The following HYLS1 variants were observed in gnomAD, a reference collection of about 807,000 sequenced individuals.
HYLS1 encodes the protein HYLS1 centriolar and ciliogenesis associated, also known as centriolar and ciliogenesis-associated protein HYLS1.
In HYLS1, 25 loss-of-function variants were observed where a neutral mutation model predicts 29.4. The ratio of observed to expected loss-of-function variants is 0.85; its 90% confidence interval spans 0.62 to 1.19. The LOEUF (loss-of-function observed/expected upper bound fraction) is 1.19, where lower values mean the gene tolerates loss of function less well. Among genes scored for constraint, HYLS1 ranks in the 50% most tolerant of loss-of-function variants. HYLS1 has a pLI of 0.00. For missense variants in HYLS1, 352 were observed against 365.1 expected, an observed-to-expected ratio of 0.96 and a Z score of 0.29; for synonymous variants, 128 against 126.7, an observed-to-expected ratio of 1.01 and a Z score of -0.07.
chr11:125,898,445 C>T (rs1401790560), intron 2 of HYLS1, among the ~76,000 whole-genome samples: 3 of 152,224 alleles, frequency 2.0e-5, no homozygotes, highest in African/African-American at 7.2e-5. Flanking sequence ...GAGGCCGAGG[C>T]GGGTGGGTTG....
intron 2 of HYLS1, 36 bp from the exon 3 acceptor site, chr11:125,899,308 T>A (rs112053817): frequency 8.8e-6 from 13 of 1,483,294 alleles, no homozygotes; most frequent in African/African-American, 5.6e-5. Context: ...GCTGGGAATT[T>A]ATTATCAGAA....
chr11:125,889,752 T>C (rs79034874), intron 1 of HYLS1, among the ~76,000 whole-genome samples: 23,138 of 151,572 alleles, frequency 0.15, 2,165 homozygotes, highest in Admixed American at 0.26. Context: ...ACAACAACAA[T>C]AATAATAATG....
upstream of HYLS1, among the ~76,000 whole-genome samples, chr11:125,886,741 A>G (rs1005038755): frequency 4.0e-5 from 6 of 151,606 alleles, no homozygotes; most frequent in Admixed American, 3.9e-4. Context: ...GTGAAACCCC[A>G]TCTCTACTAA....
intron 2 of HYLS1, chr11:125,894,002 G>A: frequency 6.2e-7 from 1 of 1,614,172 alleles, no homozygotes. Context: ...GGGCTTATAT[G>A]TGCGCATCTT....
rs1322783798 is a variant in HYLS1, at chr11:125,900,109, T to C, written c.741T>C (p.Cys247=). Residue 247 remains cysteine (C), a synonymous_variant, in exon 3 of 3, where the codon TGT becomes TGC. Coordinates refer to ENST00000425380, the MANE Select transcript of HYLS1 (RefSeq NM_001134793.2). The stretch of plus-strand genomic sequence containing the variant: ...GGGGTGTCCGAGAGCAGATGCTTTG[T>C]CGAGCAGAACCCCAATCCAAACCTC... ...LRWGVREQML[C]RAEPQSKPQH... 1 of 1,614,204 alleles carries C rather than the reference T, an allele frequency of 6.2e-7. No homozygotes were observed.
In HYLS1 at chr11:125,899,509, A is replaced by G. The variant is rs753532868; in HGVS notation, c.141A>G (p.Gln47=). Residue 47 remains glutamine (Q), a synonymous_variant, in exon 3 of 3, where the codon CAA becomes CAG. Transcript: ENST00000425380. ...GDVRREAQSI[Q]YDPYSKASVA... is the part of the protein sequence containing the mutation. Reference sequence around the variant, plus strand: ...TCAGGAGAGAAGCCCAATCTATCCAATATGATCCCTACAGTAAAGCTTCAG... The same window carrying G: ...TCAGGAGAGAAGCCCAATCTATCCAGTATGATCCCTACAGTAAAGCTTCAG... 3.7e-6 allele frequency: 6 copies of G among 1,614,204 alleles called. 1 individual carries two copies. The South Asian group carries it at 5.5e-5, about 15-fold the overall frequency.
At chr11:125,893,655 T>C in intron 2 of HYLS1, 1 of 756,460 alleles carries the variant, frequency 1.3e-6, no homozygotes, top group East Asian at 2.7e-5. Flanking sequence ...GGCTTTAGTC[T>C]TTTTGCTTTT....
At chr11:125,895,581 C>T (rs549981261) in intron 2 of HYLS1, 7 of 1,614,062 alleles carry the variant, frequency 4.3e-6, no homozygotes, top group African/African-American at 1.3e-5. Context: ...GAAAAAATAG[C>T]GGTAAGTCCG....
intron 2 of HYLS1, chr11:125,895,175 G>C (rs1944542332): frequency 6.9e-6 from 10 of 1,452,736 alleles, no homozygotes; most frequent in African/African-American, 2.8e-5. Context: ...AGCGTCCCGA[G>C]TAGCTGGGAC....
chr11:125,893,688 A>C, intron 2 of HYLS1: 5 of 877,266 alleles, frequency 5.7e-6, no homozygotes, highest in South Asian at 2.9e-5. Flanking sequence ...AGAGCTGATC[A>C]TCTGAATTCC....
At chr11:125,886,068 T>A (rs1944299736), upstream of HYLS1, among the ~76,000 whole-genome samples, 1 of 152,158 alleles carries the variant, frequency 6.6e-6, no homozygotes, top group African/African-American at 2.4e-5. Flanking sequence ...TGTAATGCGC[T>A]TGAATCATCC....
upstream of HYLS1, chr11:125,883,839 A>C (rs1027271483): frequency 6.6e-6 from 1 of 152,158 alleles, no homozygotes; most frequent in Non-Finnish European, 1.5e-5. Context: ...GTGCCACTGC[A>C]CTCCAGCCTG....
In HYLS1 at chr11:125,900,114, C is replaced by T; in HGVS notation, c.746C>T (p.Ala249Val). 6.2e-7 allele frequency: 1 copy of T among 1,614,158 alleles called. No homozygotes were observed. The highest frequency in any genetic ancestry group is 8.5e-7 in the Non-Finnish European group (1 of 1,180,032). The part of the protein sequence containing the change: ...WGVREQMLCR[A>V]EPQSKPQHIY... ...GTCCGAGAGCAGATGCTTTGTCGAG[C>T]AGAACCCCAATCCAAACCTCAGCAT... The change falls in exon 3 of 3, where the codon GCA (alanine) becomes GTA (valine). Residue 249 changes from alanine to valine, a missense_variant. Coordinates refer to ENST00000425380, the MANE Select transcript of HYLS1 (RefSeq NM_001134793.2).
chr11:125,899,323 G>T, intron 2 of HYLS1, 21 bp from the exon 3 acceptor site: 2 of 1,559,148 alleles, frequency 1.3e-6, no homozygotes, highest in South Asian at 1.1e-5. Flanking sequence ...TCAGAAAACT[G>T]ACCAATGTTA....
intron 1 of HYLS1, among the ~76,000 whole-genome samples, chr11:125,889,945 T>C (rs975636518): frequency 9.9e-5 from 15 of 152,166 alleles, no homozygotes; most frequent in African/African-American, 3.6e-4. Flanking sequence ...TTATTAATTT[T>C]TGTTGCTGTT....
At chr11:125,891,963 C>G (rs1156388980) in intron 2 of HYLS1, among the ~76,000 whole-genome samples, 1 of 152,004 alleles carries the variant, frequency 6.6e-6, no homozygotes, top group African/African-American at 2.4e-5. Context: ...TTTAATTGTC[C>G]CATGTGTTAT....
chr11:125,895,472 G>A lies in HYLS1; in HGVS notation c.-25-3872G>A, dbSNP rs140780584. On this transcript the variant is annotated intron_variant, in intron 2 of 2. Coordinates refer to ENST00000425380, the MANE Select transcript of HYLS1 (RefSeq NM_001134793.2). ...TAGTCCTCTGAAAATTAATCACACCGTTGGCTACATCCATTTTACACAAGT... is the reference window on the plus strand; with the variant it reads ...TAGTCCTCTGAAAATTAATCACACCATTGGCTACATCCATTTTACACAAGT... The A allele has an allele frequency of 2.7e-5, 44 of 1,613,994 alleles. No homozygotes were observed. Among genetic ancestry groups the A allele is most frequent in the South Asian group, 4.4e-5 (4 of 91,088 alleles).
At chr11:125,887,126 G>T (rs1326874411), upstream of HYLS1, 2 of 152,592 alleles carry the variant, frequency 1.3e-5, no homozygotes, top group Non-Finnish European at 2.9e-5. Flanking sequence ...GTGCGCCAGG[G>T]TTTCATACAG....
At chr11:125,892,699 A>G (rs1379070228) in intron 2 of HYLS1, among the ~76,000 whole-genome samples, 3 of 152,022 alleles carry the variant, frequency 2.0e-5, no homozygotes, top group African/African-American at 7.2e-5. Flanking sequence ...TTCATCATCT[A>G]TTGCCTCCAT....
Sources: allele counts gnomAD v4.1 joint callset (sites outside exome capture counted in the v4.1 genomes callset), GRCh38; gene constraint gnomAD v4.1.1; transcripts MANE v1.5; gene names NCBI Gene and HGNC (gene_info 2026-07-23, HGNC 2026-07-21).